Variants in COL4A5 observed in about 807,000 individuals in gnomAD.
COL4A5 encodes collagen type IV alpha 5 chain.
Under a neutral mutation model 130.2 loss-of-function variants are expected in COL4A5, and 26 were observed. The observed-to-expected ratio is 0.20, with a 90% CI of 0.15 to 0.28. COL4A5 has a LOEUF of 0.28. COL4A5 is among the 10% of genes least tolerant of loss of function. The probability of loss-of-function intolerance (pLI) is 1.00; values close to 1 mark genes in which losing one functional copy is unlikely to be tolerated. For missense variants in COL4A5, 1,131 were observed against 1,344.3 expected (o/e 0.84, Z 2.48); for synonymous variants, 496 against 439.6 (o/e 1.13, Z -1.60).
intron 1 of COL4A5, among the ~76,000 whole-genome samples, chrX:108,494,705 A>G: frequency 9.0e-6 from 1 of 111,133 alleles, no homozygotes; most frequent in Non-Finnish European, 1.9e-5. Context: ...AGTTCTTAAA[A>G]TCCTATATGT....
At chrX:108,571,956 G>C in intron 8 of COL4A5, 119 bp downstream of exon 8, 1 of 590,337 alleles carries the variant, frequency 1.7e-6, no homozygotes, top group Non-Finnish European at 2.9e-6. Context: ...AAGTTGTGCA[G>C]GTGTAAACTT....
chrX:108,517,749 A>C (rs150470192), intron 1 of COL4A5, among the ~76,000 whole-genome samples: 1 of 111,896 alleles, frequency 8.9e-6, no homozygotes, highest in African/African-American at 3.2e-5. Context: ...TTTCACTTCA[A>C]AACTTTGGGA....
chrX:108,617,481 A>G (rs1211077749), intron 30 of COL4A5, among the ~76,000 whole-genome samples: 6 of 111,729 alleles, frequency 5.4e-5, no homozygotes, highest in Non-Finnish European at 1.1e-4. Flanking sequence ...TTTACTATTT[A>G]CCTTTCTCTT....
chrX:108,648,843 C>T (rs2067663674), intron 36 of COL4A5, among the ~76,000 whole-genome samples: 1 of 111,116 alleles, frequency 9.0e-6, no homozygotes, highest in South Asian at 3.8e-4. Flanking sequence ...GACAAGGATG[C>T]CCACTCTCAC....
chrX:108,652,438 G>T (rs1203183507), intron 36 of COL4A5, among the ~76,000 whole-genome samples: 3 of 112,475 alleles, frequency 2.7e-5, no homozygotes, highest in African/African-American at 9.7e-5. Flanking sequence ...TATTCTTCTT[G>T]CATAAAGCAA....
At chrX:108,646,164 C>T (rs1227437546) in intron 36 of COL4A5, among the ~76,000 whole-genome samples, 1 of 111,287 alleles carries the variant, frequency 9.0e-6, no homozygotes, top group African/African-American at 3.3e-5. Flanking sequence ...CACTGACTTC[C>T]ACAATGGTTG....
intron 1 of COL4A5, among the ~76,000 whole-genome samples, chrX:108,533,255 A>G (rs2065409938): frequency 8.9e-6 from 1 of 111,791 alleles, no homozygotes; most frequent in African/African-American, 3.2e-5. Flanking sequence ...TCTTCAACAA[A>G]GCTGACAAGA....
intron 36 of COL4A5, among the ~76,000 whole-genome samples, chrX:108,637,706 A>G (rs761635952): frequency 1.8e-5 from 2 of 111,913 alleles, no homozygotes; most frequent in Non-Finnish European, 3.8e-5. Context: ...GCAAATTCCT[A>G]GAAAGACACA....
intron 1 of COL4A5, among the ~76,000 whole-genome samples, chrX:108,515,669 C>T (rs908440200): frequency 3.6e-5 from 4 of 110,679 alleles, no homozygotes; most frequent in African/African-American, 6.6e-5. Flanking sequence ...ATTTGAGTGA[C>T]GAGTATTGAG....
intron 50 of COL4A5, chrX:108,693,754 T>C (rs2068677411): frequency 9.0e-6 from 1 of 111,092 alleles, no homozygotes; most frequent in South Asian, 3.9e-4. Context: ...AAGAAGGTGG[T>C]AGCTGAGATT....
chrX:108,555,047 CAA>C (rs751820698), intron 2 of COL4A5, among the ~76,000 whole-genome samples: 3 of 112,382 alleles, frequency 2.7e-5, no homozygotes, highest in Admixed American at 9.4e-5. Context: ...TATTAATAAA[CAA>C]AGAAAACTTG....
chrX:108,489,077 CTT>C (rs2064973282), intron 1 of COL4A5, among the ~76,000 whole-genome samples: 1 of 111,526 alleles, frequency 9.0e-6, no homozygotes, highest in Admixed American at 9.5e-5. Flanking sequence ...TAGAATTATC[CTT>C]TATTTAGGAA....
intron 1 of COL4A5, among the ~76,000 whole-genome samples, chrX:108,534,751 GCCTTT>G (rs1468824843): frequency 9.0e-6 from 1 of 111,331 alleles, no homozygotes; most frequent in Non-Finnish European, 1.9e-5. Flanking sequence ...TGCTTTTAAG[GCCTTT>G]CCTTTACTTT....
intron 36 of COL4A5, among the ~76,000 whole-genome samples, chrX:108,636,592 A>G (rs1476184755): frequency 1.8e-5 from 2 of 111,486 alleles, no homozygotes; most frequent in Non-Finnish European, 3.8e-5. Context: ...AATTCTTATA[A>G]TTCAACGGAA....
intron 2 of COL4A5, among the ~76,000 whole-genome samples, chrX:108,548,251 C>T (rs2065696544): frequency 8.9e-6 from 1 of 111,847 alleles, no homozygotes; most frequent in African/African-American, 3.3e-5. Context: ...ATCTTGGAAC[C>T]ACCCATTTTG....
At position 108,681,885 on chromosome X, in the gene COL4A5, C is replaced by G. The variant is rs758634712; in HGVS notation, c.4213C>G (p.Pro1405Ala). 7 of 1,206,293 alleles carry G rather than the reference C, an allele frequency of 5.8e-6. No individual in the cohort carries two copies. Among genetic ancestry groups the G allele is most frequent in the Non-Finnish European group, 7.9e-6 (7 of 891,666 alleles). Reference protein sequence around the residue: ...LPGPQGPQGLPGPTGPPGDPG... With the variant: ...LPGPQGPQGLAGPTGPPGDPG... ...AGGACCCCAAGGACCTCAAGGCTTA[C>G]CAGGTACCAATGCAGATCATCTTTA... The change falls in exon 47 of 53, where the codon CCA (proline) becomes GCA (alanine). Residue 1405 changes from proline (P) to alanine (A), a missense_variant. Transcript: ENST00000328300.
At chrX:108,568,856 T>C (rs1349768536) in intron 6 of COL4A5, 35 bp downstream of exon 6, 1 of 1,109,089 alleles carries the variant, frequency 9.0e-7, no homozygotes, top group Middle Eastern at 2.5e-4. Flanking sequence ...GGTAGTATAC[T>C]TGACAATAAT....
intron 1 of COL4A5, among the ~76,000 whole-genome samples, chrX:108,473,633 A>ATATATATATATATATTTTTTTTTTTTTT: frequency 2.9e-5 from 1 of 34,569 alleles, no homozygotes; most frequent in African/African-American, 1.1e-4. Context: ...ATATATATAT[A>ATATATATATATATATTTTTTTTTTTTTT]TTTTTTTTTT....
chrX:108,487,449 A>G (rs191149795), intron 1 of COL4A5, among the ~76,000 whole-genome samples: 112 of 109,725 alleles, frequency 1.0e-3, no homozygotes, highest in African/African-American at 3.4e-3. Flanking sequence ...CATTCACACC[A>G]ACATCTATTA....
Sources: gnomAD v4.1 joint callset for allele counts (sites outside exome capture counted in the v4.1 genomes callset) on GRCh38, gnomAD v4.1.1 for gene constraint, MANE v1.5 for transcripts, NCBI Gene and HGNC (gene_info 2026-07-23, HGNC 2026-07-21) for gene names.